Variants in FOXP2 observed in about 807,000 individuals in gnomAD.
FOXP2 encodes the protein forkhead box protein P2.
Under a neutral mutation model 115.8 loss-of-function variants are expected in FOXP2, and 12 were observed. That is an observed-to-expected ratio of 0.10 (90% CI 0.07 to 0.17). The LOEUF (loss-of-function observed/expected upper bound fraction) is 0.17, where lower values mean the gene tolerates loss of function less well. Among genes scored for constraint, FOXP2 ranks in the 10% least tolerant of loss-of-function variants. The pLI is 1.00. For missense variants in FOXP2, 629 were observed against 843.5 expected (o/e 0.75, Z 3.15); for synonymous variants, 328 against 297.7 (o/e 1.10, Z -1.05).
chr7:114,328,087 A>T (rs115078889), intron 2 of FOXP2, among the ~76,000 whole-genome samples: 2,288 of 147,370 alleles, frequency 0.016, 21 homozygotes, highest in African/African-American at 0.026. Context: ...TATTTGGCTA[A>T]TTTTTTTTTT....
chr7:114,385,109 G>C (rs527691404), intron 2 of FOXP2, among the ~76,000 whole-genome samples: 2 of 151,834 alleles, frequency 1.3e-5, no homozygotes, highest in East Asian at 3.9e-4. Context: ...CCTGGCAAGG[G>C]TGGTGGGGAA....
intron 1 of FOXP2, among the ~76,000 whole-genome samples, chr7:114,180,688 T>C (rs78533974): frequency 0.061 from 9,288 of 151,982 alleles, 626 homozygotes; most frequent in African/African-American, 0.17. Context: ...GTCAGAAATA[T>C]TGGGTCATCC....
chr7:114,117,841 GC>G (rs1477353341), intron 1 of FOXP2, among the ~76,000 whole-genome samples: 1 of 152,026 alleles, frequency 6.6e-6, no homozygotes, highest in Non-Finnish European at 1.5e-5. Context: ...TTCAGGTGAG[GC>G]CCCTCTTCTG....
At chr7:114,594,051 A>G (rs1802572589) in intron 3 of FOXP2, among the ~76,000 whole-genome samples, 1 of 152,032 alleles carries the variant, frequency 6.6e-6, no homozygotes, top group African/African-American at 2.4e-5. Context: ...AAAGCCAAAA[A>G]AGTATAAATA....
intron 2 of FOXP2, among the ~76,000 whole-genome samples, chr7:114,380,100 C>T (rs1330138329): frequency 6.6e-6 from 1 of 152,058 alleles, no homozygotes; most frequent in Non-Finnish European, 1.5e-5. Flanking sequence ...ACCCGCTTGG[C>T]GGTTCCCTTC....
intron 1 of FOXP2, among the ~76,000 whole-genome samples, chr7:114,236,539 A>G (rs1795010859): frequency 6.6e-6 from 1 of 152,252 alleles, no homozygotes; most frequent in Non-Finnish European, 1.5e-5. Flanking sequence ...TAAACTGCCA[A>G]GTCCTTCCAC....
intron 3 of FOXP2, among the ~76,000 whole-genome samples, chr7:114,560,309 T>A (rs946617024): frequency 1.3e-5 from 2 of 152,042 alleles, no homozygotes; most frequent in African/African-American, 2.4e-5. Flanking sequence ...AATATATTTA[T>A]AAAAGTGAAA....
At chr7:114,564,344 C>T (rs954989515) in intron 3 of FOXP2, among the ~76,000 whole-genome samples, 3 of 152,026 alleles carry the variant, frequency 2.0e-5, no homozygotes, top group African/African-American at 4.8e-5. Context: ...GTACTTTTTA[C>T]GTCTTCAGCA....
intron 1 of FOXP2, among the ~76,000 whole-genome samples, chr7:114,131,878 A>G (rs575217890): frequency 6.6e-6 from 1 of 152,290 alleles, no homozygotes; most frequent in South Asian, 2.1e-4. Context: ...TGTTAGCATT[A>G]TCTAATACCT....
At chr7:114,208,578 G>C (rs1794258956) in intron 1 of FOXP2, among the ~76,000 whole-genome samples, 1 of 151,856 alleles carries the variant, frequency 6.6e-6, no homozygotes, top group Non-Finnish European at 1.5e-5. Flanking sequence ...GCCAGGAGTG[G>C]AATAACATGG....
chr7:114,530,742 C>T lies in FOXP2; in HGVS notation c.169-3875C>T, dbSNP rs896737397. ...TAGAATTATTCTGTGAGGTTCATAACTAGCATAAAATTACTACTAGTGAAG... is the reference window on the plus strand; with the variant it reads ...TAGAATTATTCTGTGAGGTTCATAATTAGCATAAAATTACTACTAGTGAAG... On this transcript the variant is annotated intron_variant, in intron 2 of 16. Coordinates refer to ENST00000350908, the MANE Select transcript of FOXP2 (RefSeq NM_014491.4). Among the ~76,000 whole-genome samples the T allele has an allele frequency of 5.3e-5, 8 of 151,918 alleles. 1 individual carries two copies. The highest frequency in any genetic ancestry group is 1.0e-4 in the Non-Finnish European group (7 of 67,816).
chr7:114,266,814 T>C (rs996959788), intron 1 of FOXP2, among the ~76,000 whole-genome samples: 9 of 152,356 alleles, frequency 5.9e-5, no homozygotes, highest in South Asian at 2.1e-4. Context: ...TCAGTACTTA[T>C]TTGTTTGATA....
intron 1 of FOXP2, among the ~76,000 whole-genome samples, chr7:114,182,105 A>G (rs992443784): frequency 1.1e-4 from 16 of 152,050 alleles, no homozygotes; most frequent in Non-Finnish European, 1.5e-5. Context: ...AAAATATTTC[A>G]TATATTTTCT....
At chr7:114,260,920 A>T (rs1795733733) in intron 1 of FOXP2, among the ~76,000 whole-genome samples, 1 of 152,176 alleles carries the variant, frequency 6.6e-6, no homozygotes, top group African/African-American at 2.4e-5. Flanking sequence ...GAAGAGCTGC[A>T]TATTTTTGAC....
chr7:114,643,317 G>A (rs906850841), intron 7 of FOXP2, among the ~76,000 whole-genome samples: 3 of 152,090 alleles, frequency 2.0e-5, no homozygotes, highest in African/African-American at 4.8e-5. Flanking sequence ...AATTAAAGAT[G>A]CATGGATATC....
At chr7:114,481,783 T>TCTAC (rs1796551462) in intron 2 of FOXP2, among the ~76,000 whole-genome samples, 1 of 150,396 alleles carries the variant, frequency 6.6e-6, no homozygotes, top group Non-Finnish European at 1.5e-5. Flanking sequence ...TATCTATCTA[T>TCTAC]CTATCTATCT....
At chr7:114,448,599 G>A (rs1794936527) in intron 2 of FOXP2, among the ~76,000 whole-genome samples, 1 of 152,018 alleles carries the variant, frequency 6.6e-6, no homozygotes, top group African/African-American at 2.4e-5. Context: ...GCCTTTTCAT[G>A]TTAATATTTG....
chr7:114,169,780 G>C (rs1307863212), intron 1 of FOXP2, among the ~76,000 whole-genome samples: 1 of 152,124 alleles, frequency 6.6e-6, no homozygotes, highest in East Asian at 1.9e-4. Flanking sequence ...TGTTGTGGGA[G>C]GGACCCGGTG....
chr7:114,589,145 G>C (rs983459373), intron 3 of FOXP2, among the ~76,000 whole-genome samples: 2 of 152,082 alleles, frequency 1.3e-5, no homozygotes, highest in Non-Finnish European at 2.9e-5. Context: ...CAAATTGCAA[G>C]ATTCTTAAAG....
Sources: gnomAD v4.1 joint callset for allele counts (sites outside exome capture counted in the v4.1 genomes callset) on GRCh38, gnomAD v4.1.1 for gene constraint, MANE v1.5 for transcripts, NCBI Gene and HGNC (gene_info 2026-07-23, HGNC 2026-07-21) for gene names.